The following PELI2 variants were observed in gnomAD, a reference collection of about 807,000 sequenced individuals.
The protein encoded by PELI2 is pellino E3 ubiquitin protein ligase family member 2, also known as E3 ubiquitin-protein ligase pellino homolog 2.
A neutral mutation model predicts 42.3 loss-of-function variants in PELI2; 23 were observed. The observed-to-expected ratio is 0.54, with a 90% CI of 0.39 to 0.77. The LOEUF (loss-of-function observed/expected upper bound fraction) is 0.77, where lower values mean the gene tolerates loss of function less well. Among genes scored for constraint, PELI2 ranks in the 30% least tolerant of loss-of-function variants. The probability of loss-of-function intolerance (pLI) is 0.00; values close to 1 mark genes in which losing one functional copy is unlikely to be tolerated. For synonymous variants in PELI2, 245 were observed against 212.2 expected, an observed-to-expected ratio of 1.15 and a Z score of -1.34; for missense variants, 463 against 553.2, an observed-to-expected ratio of 0.84 and a Z score of 1.64.
intron 1 of PELI2, among the ~76,000 whole-genome samples, chr14:56,143,428 T>C (rs532159704): frequency 3.3e-5 from 5 of 152,360 alleles, no homozygotes; most frequent in African/African-American, 1.2e-4. Context: ...GGAGACACGT[T>C]GAGATGAATT....
intron 2 of PELI2, among the ~76,000 whole-genome samples, chr14:56,223,777 C>T (rs1465692288): frequency 1.3e-5 from 2 of 152,174 alleles, no homozygotes; most frequent in Non-Finnish European, 2.9e-5. Context: ...AAATAAGTCA[C>T]AGTAGGTTTT....
At chr14:56,228,194 T>C (rs1887430468) in intron 2 of PELI2, among the ~76,000 whole-genome samples, 1 of 152,242 alleles carries the variant, frequency 6.6e-6, no homozygotes, top group Non-Finnish European at 1.5e-5. Context: ...TCATTTCAAA[T>C]GGATATTAAG....
intron 5 of PELI2, among the ~76,000 whole-genome samples, chr14:56,293,288 T>A (rs536639946): frequency 1.3e-5 from 2 of 152,324 alleles, no homozygotes; most frequent in South Asian, 4.1e-4. Flanking sequence ...ATACTGTCAA[T>A]TCCTGTGCCT....
At chr14:56,269,385 A>G (rs890912657) in intron 2 of PELI2, among the ~76,000 whole-genome samples, 2 of 152,046 alleles carry the variant, frequency 1.3e-5, no homozygotes, top group Non-Finnish European at 2.9e-5. Context: ...TGAGGCTGCA[A>G]TGAGCTGTGA....
At chr14:56,178,503 A>G in intron 2 of PELI2, 39 bp downstream of exon 2, 1 of 1,607,904 alleles carries the variant, frequency 6.2e-7, no homozygotes, top group East Asian at 2.2e-5. Flanking sequence ...GTGCTGGCAA[A>G]CAGTGACTCA....
rs1890157214 is a variant in PELI2 at position 56,301,049 on chromosome 14, A to G, written c.*3883A>G. 2 of 152,452 alleles carry G rather than the reference A, an allele frequency of 1.3e-5. No individual in the cohort carries two copies. The highest frequency in any genetic ancestry group is 2.9e-5 in the Non-Finnish European group (2 of 68,042). 9.4% of individuals were successfully genotyped at this position (152,452 alleles called of 1,614,324 possible). A position where few individuals can be genotyped will look rare whatever the true frequency, so the allele number is the denominator to read the frequency against. ...TAAACAAACAAAAATAAACTCAATGAAAGGAAAGATGTTTCTTTTTAGCTG... is the reference window on the plus strand; with the variant it reads ...TAAACAAACAAAAATAAACTCAATGGAAGGAAAGATGTTTCTTTTTAGCTG... On this transcript the variant is annotated 3_prime_UTR_variant, in exon 6 of 6. Coordinates refer to ENST00000267460, the MANE Select transcript of PELI2 (RefSeq NM_021255.3).
chr14:56,277,644 G>A (rs768784061), intron 2 of PELI2, among the ~76,000 whole-genome samples: 3 of 152,058 alleles, frequency 2.0e-5, no homozygotes, highest in Non-Finnish European at 4.4e-5. Flanking sequence ...CAAAAAGGTT[G>A]GTGACCACTA....
At chr14:56,121,568 G>C (rs1003850068) in intron 1 of PELI2, among the ~76,000 whole-genome samples, 2 of 152,184 alleles carry the variant, frequency 1.3e-5, no homozygotes, top group Non-Finnish European at 2.9e-5. Context: ...CTAACCAGCA[G>C]GTCTTTTTGC....
intron 1 of PELI2, among the ~76,000 whole-genome samples, chr14:56,168,695 A>G (rs927416353): frequency 6.6e-6 from 1 of 151,998 alleles, no homozygotes; most frequent in Non-Finnish European, 1.5e-5. Flanking sequence ...GTAAGGTGCA[A>G]GACAAAGTGC....
At chr14:56,205,705 C>T (rs543811543) in intron 2 of PELI2, among the ~76,000 whole-genome samples, 4 of 152,018 alleles carry the variant, frequency 2.6e-5, no homozygotes, top group Admixed American at 1.3e-4. Flanking sequence ...ACTTGGATGC[C>T]CCTTTCAAGA....
chr14:56,245,109 T>TA (rs1311351382), intron 2 of PELI2, among the ~76,000 whole-genome samples: 12 of 152,204 alleles, frequency 7.9e-5, no homozygotes, highest in Admixed American at 3.3e-4. Flanking sequence ...CTCCCAGACT[T>TA]AAAGGATAAC....
At chr14:56,265,102 C>A (rs1295616122) in intron 2 of PELI2, among the ~76,000 whole-genome samples, 1 of 152,132 alleles carries the variant, frequency 6.6e-6, no homozygotes, top group Non-Finnish European at 1.5e-5. Flanking sequence ...CAATCAAAAT[C>A]CCAGCAGACT....
chr14:56,154,261 C>A (rs972763845), intron 1 of PELI2, among the ~76,000 whole-genome samples: 1 of 152,122 alleles, frequency 6.6e-6, no homozygotes, highest in African/African-American at 2.4e-5. Flanking sequence ...AATATAATTT[C>A]ATCATGTAGA....
intron 2 of PELI2, among the ~76,000 whole-genome samples, chr14:56,265,811 A>G (rs1379723375): frequency 3.3e-5 from 5 of 152,108 alleles, no homozygotes; most frequent in Non-Finnish European, 7.4e-5. Flanking sequence ...CCCAGAGAAG[A>G]TATATAGATG....
chr14:56,284,552 G>A (rs1889587228), intron 3 of PELI2, among the ~76,000 whole-genome samples: 1 of 152,130 alleles, frequency 6.6e-6, no homozygotes, highest in Non-Finnish European at 1.5e-5. Flanking sequence ...GTTTGGTTTG[G>A]TTTGGTTTGG....
chr14:56,155,652 G>A (rs1884534601), intron 1 of PELI2, among the ~76,000 whole-genome samples: 1 of 151,268 alleles, frequency 6.6e-6, no homozygotes, highest in Non-Finnish European at 1.5e-5. Context: ...CGCGATCTCG[G>A]CTCACTGCAA....
intron 5 of PELI2, among the ~76,000 whole-genome samples, chr14:56,294,749 C>T (rs1336819806): frequency 6.6e-6 from 1 of 152,088 alleles, no homozygotes; most frequent in Non-Finnish European, 1.5e-5. Flanking sequence ...ATCACACGTG[C>T]CTTGTATGCA....
intron 1 of PELI2, chr14:56,119,902 A>G (rs1883000913): frequency 1.0e-6 from 1 of 955,126 alleles, no homozygotes. Flanking sequence ...GGCTGTGGGA[A>G]GACTCAGGGA....
At chr14:56,272,822 T>C (rs1179443573) in intron 2 of PELI2, among the ~76,000 whole-genome samples, 1 of 152,236 alleles carries the variant, frequency 6.6e-6, no homozygotes, top group Non-Finnish European at 1.5e-5. Context: ...GACCCTGCTC[T>C]GTGTAGAGAC....
Sources: gnomAD v4.1 joint callset for allele counts (sites outside exome capture counted in the v4.1 genomes callset) on GRCh38, gnomAD v4.1.1 for gene constraint, MANE v1.5 for transcripts, NCBI Gene and HGNC (gene_info 2026-07-23, HGNC 2026-07-21) for gene names.